Variants in LRP6 observed in about 807,000 individuals in gnomAD.
LRP6 encodes the protein LDL receptor related protein 6, also known as low-density lipoprotein receptor-related protein 6.
Under a neutral mutation model 184.1 loss-of-function variants are expected in LRP6, and 43 were observed. The observed-to-expected ratio is 0.23, with a 90% CI of 0.18 to 0.30. The LOEUF is 0.30. LRP6 is among the 10% of genes least tolerant of loss of function. LRP6 has a pLI of 1.00. For missense variants in LRP6, 1,571 were observed against 2,005.3 expected, an observed-to-expected ratio of 0.78 and a Z score of 4.14; for synonymous variants, 719 against 684.9, an observed-to-expected ratio of 1.05 and a Z score of -0.78.
At chr12:12,138,782 T>C in intron 15 of LRP6, 2 of 1,478,208 alleles carry the variant, frequency 1.4e-6, no homozygotes, top group South Asian at 1.2e-5. Flanking sequence ...CATAGAAATG[T>C]AGAAAAGAAC....
In LRP6 at chr12:12,164,729, T is replaced by C. The variant is rs74764146; in HGVS notation, c.1763-167A>G. On this transcript the variant is annotated intron_variant, in intron 8 of 22. Coordinates refer to ENST00000261349, the MANE Select transcript of LRP6 (RefSeq NM_002336.3). ...ATATCACAAACAAGTAATATGCAGA[T>C]TAATAGGGAGTAAAAGCATGGTGAA... Among the ~76,000 whole-genome samples, 7,814 of 151,738 alleles carry C rather than the reference T, an allele frequency of 0.051. 280 individuals carry two copies. Among genetic ancestry groups the C allele is most frequent in the Middle Eastern group, 0.17 (50 of 292 alleles).
chr12:12,207,458 T>A (rs1440304666), intron 2 of LRP6, among the ~76,000 whole-genome samples: 1 of 152,032 alleles, frequency 6.6e-6, no homozygotes, highest in East Asian at 1.9e-4. Flanking sequence ...CGCCTGAACC[T>A]GGGAGGCAGA....
chr12:12,237,901 A>G (rs1003784358), intron 2 of LRP6, among the ~76,000 whole-genome samples: 9 of 152,242 alleles, frequency 5.9e-5, no homozygotes, highest in Admixed American at 3.9e-4. Flanking sequence ...TGGTCTACAG[A>G]TTAGTTAACA....
At chr12:12,191,587 A>T (rs1178100751) in intron 3 of LRP6, among the ~76,000 whole-genome samples, 2 of 152,224 alleles carry the variant, frequency 1.3e-5, no homozygotes, top group African/African-American at 4.8e-5. Context: ...GAAGAATAAC[A>T]TTCCTACAGA....
intron 5 of LRP6, among the ~76,000 whole-genome samples, chr12:12,182,249 G>T (rs796621985): frequency 6.6e-6 from 1 of 152,068 alleles, no homozygotes; most frequent in Non-Finnish European, 1.5e-5. Flanking sequence ...GGAAAGTACT[G>T]AACATTTAAG....
chr12:12,218,095 C>T (rs994119952), intron 2 of LRP6, among the ~76,000 whole-genome samples: 2 of 152,134 alleles, frequency 1.3e-5, no homozygotes, highest in Non-Finnish European at 2.9e-5. Context: ...AGGCAACCCA[C>T]AGAACAGGAA....
intron 2 of LRP6, among the ~76,000 whole-genome samples, chr12:12,232,383 CAA>C (rs199538156): frequency 1.7e-4 from 18 of 105,498 alleles, no homozygotes; most frequent in Admixed American, 2.1e-4. Context: ...GACGCTGTCT[CAA>C]AAAAAAAAAA....
intron 2 of LRP6, among the ~76,000 whole-genome samples, chr12:12,237,900 GATTA>G (rs1189806575): frequency 2.0e-5 from 3 of 152,194 alleles, no homozygotes; most frequent in Admixed American, 6.5e-5. Flanking sequence ...ATGGTCTACA[GATTA>G]GTTAACAGTA....
intron 20 of LRP6, among the ~76,000 whole-genome samples, chr12:12,125,847 T>G (rs1949665353): frequency 6.6e-6 from 1 of 152,146 alleles, no homozygotes; most frequent in Non-Finnish European, 1.5e-5. Context: ...GAAAGAATAT[T>G]TTTTCATCTA....
At chr12:12,149,820 G>A (rs1399130168) in intron 13 of LRP6, among the ~76,000 whole-genome samples, 1 of 152,196 alleles carries the variant, frequency 6.6e-6, no homozygotes, top group East Asian at 1.9e-4. Context: ...CAAGCAAAAA[G>A]AGAGGCTTTG....
intron 2 of LRP6, among the ~76,000 whole-genome samples, 188 bp from the exon 3 acceptor site, chr12:12,203,588 A>T (rs1321076936): frequency 6.6e-6 from 1 of 152,150 alleles, no homozygotes; most frequent in Non-Finnish European, 1.5e-5. Context: ...AACATGGTAA[A>T]AACCCATCTC....
rs1413228052 is a variant in LRP6 at position 12,266,838 on chromosome 12, ACTTCCCAG to A, written c.-111_-104del. The stretch of plus-strand genomic sequence containing the variant: ...CGCAGCGGCAGGGCTGCACGCTCAT[ACTTCCCAG>A]CTTCCCAGCGAGAGAAGAAAGAAAG... On this transcript the variant is annotated 5_prime_UTR_variant, in exon 1 of 23. Transcript: ENST00000261349. 2.2e-6 allele frequency: 2 copies of A among 918,232 alleles called. No individual in the cohort carries two copies. Among genetic ancestry groups the A allele is most frequent in the East Asian group, 2.6e-5 (1 of 38,468 alleles). 56.9% of individuals were successfully genotyped at this position (918,232 alleles called of 1,614,324 possible).
chr12:12,222,214 C>G (rs1864506777), intron 2 of LRP6, among the ~76,000 whole-genome samples: 2 of 152,124 alleles, frequency 1.3e-5, no homozygotes, highest in South Asian at 4.1e-4. Context: ...TCCACTATAA[C>G]CTTTCAAGCT....
At chr12:12,214,669 ATTTCTG>A (rs1864292689) in intron 2 of LRP6, among the ~76,000 whole-genome samples, 1 of 152,224 alleles carries the variant, frequency 6.6e-6, no homozygotes, top group Admixed American at 6.5e-5. Context: ...ATCAGAGCCT[ATTTCTG>A]TAAGCAAGCA....
At chr12:12,249,793 C>T (rs1865281133) in intron 1 of LRP6, among the ~76,000 whole-genome samples, 2 of 152,160 alleles carry the variant, frequency 1.3e-5, no homozygotes. Flanking sequence ...ATTCCCAAAA[C>T]ATCATCTCTA....
chr12:12,127,489 C>T (rs1949688595), intron 19 of LRP6, among the ~76,000 whole-genome samples: 1 of 152,182 alleles, frequency 6.6e-6, no homozygotes, highest in South Asian at 2.1e-4. Flanking sequence ...GCTCTCAAAT[C>T]CCCTATGCTG....
At chr12:12,179,304 C>T (rs941633109) in intron 7 of LRP6, among the ~76,000 whole-genome samples, 1 of 151,738 alleles carries the variant, frequency 6.6e-6, no homozygotes, top group African/African-American at 2.4e-5. Context: ...TTGCATGTAA[C>T]CATCATAATA....
intron 1 of LRP6, among the ~76,000 whole-genome samples, chr12:12,256,334 G>T (rs1865464651): frequency 6.6e-6 from 1 of 152,070 alleles, no homozygotes. Flanking sequence ...AGAGGCGGGT[G>T]TATCACCGAG....
chr12:12,187,092 T>C lies in LRP6; in HGVS notation c.675A>G (p.Pro225=), dbSNP rs1233971383. The change falls in exon 4 of 23, where the codon CCA becomes CCG. Residue 225 remains proline, a synonymous_variant. Transcript: ENST00000261349. Reference sequence around the variant, plus strand: ...CAAATAACGTCAAGGCAAAAGGATGTGGAAGGGAACCTTTAACCACTGCCT... The same window carrying C: ...CAAATAACGTCAAGGCAAAAGGATGCGGAAGGGAACCTTTAACCACTGCCT... The part of the protein sequence containing the change: ...NRQAVVKGSL[P]HPFALTLFED... 2 of 1,614,030 alleles carry C rather than the reference T, an allele frequency of 1.2e-6. No individual in the cohort carries two copies. The highest frequency in any genetic ancestry group is 1.3e-5 in the African/African-American group (1 of 74,914).
Sources: gnomAD v4.1 joint callset for allele counts (sites outside exome capture counted in the v4.1 genomes callset) on GRCh38, gnomAD v4.1.1 for gene constraint, MANE v1.5 for transcripts, NCBI Gene and HGNC (gene_info 2026-07-23, HGNC 2026-07-21) for gene names.